Variants in CAPZA2 observed in about 807,000 individuals in gnomAD.
CAPZA2 encodes the protein capping actin protein of muscle Z-line subunit alpha 2, also known as F-actin-capping protein subunit alpha-2.
A neutral mutation model predicts 44.0 loss-of-function variants in CAPZA2; 13 were observed. That is an observed-to-expected ratio of 0.30 (90% CI 0.19 to 0.47). CAPZA2 has a LOEUF of 0.47. Among genes scored for constraint, CAPZA2 ranks in the 20% least tolerant of loss-of-function variants. CAPZA2 has a pLI of 1.00. For synonymous variants in CAPZA2, 94 were observed against 108.2 expected (o/e 0.87, Z 0.81); for missense variants, 244 against 338.6 (o/e 0.72, Z 2.19).
chr7:116,888,937 G>A (rs967468528), intron 2 of CAPZA2, among the ~76,000 whole-genome samples: 3 of 152,074 alleles, frequency 2.0e-5, no homozygotes, highest in African/African-American at 7.2e-5. Flanking sequence ...CTATGAGATC[G>A]GTATGAATAG....
intron 4 of CAPZA2, among the ~76,000 whole-genome samples, chr7:116,900,467 G>A (rs1284973351): frequency 1.3e-5 from 2 of 151,396 alleles, no homozygotes; most frequent in African/African-American, 4.8e-5. Flanking sequence ...TTTAAGGTAA[G>A]GATACAAAAC....
intron 3 of CAPZA2, among the ~76,000 whole-genome samples, chr7:116,895,703 A>G (rs1413012241): frequency 1.3e-5 from 2 of 151,992 alleles, no homozygotes; most frequent in African/African-American, 4.8e-5. Flanking sequence ...GATTGACTTC[A>G]GTAGTATGCA....
chr7:116,915,215 A>G (rs1015829883), intron 8 of CAPZA2, among the ~76,000 whole-genome samples: 2 of 151,948 alleles, frequency 1.3e-5, no homozygotes, highest in Non-Finnish European at 2.9e-5. Flanking sequence ...AGGCATGAAA[A>G]TTGCTTGAAC....
At chr7:116,880,237 GAGTTTCAAAAATC>G in intron 1 of CAPZA2, 1 of 356,346 alleles carries the variant, frequency 2.8e-6, no homozygotes, top group South Asian at 2.2e-5. Context: ...GTTTATTTTT[GAGTTTCAAAAATC>G]ATGAGTTGGT....
Position 116,921,944 on chromosome 7 carries a change from T to TA in CAPZA2, c.*4077_*4078insA, listed in dbSNP as rs1209932146. On this transcript the variant is annotated 3_prime_UTR_variant, in exon 10 of 10. Coordinates refer to ENST00000361183, the MANE Select transcript of CAPZA2 (RefSeq NM_006136.3). ...GAGTACACTTGGATATATGATTACA[T>TA]TTTAATAAGTTATATAAATATGCAG... is the stretch of plus-strand genomic sequence containing the variant. 1 of 152,156 alleles carries TA rather than the reference T, an allele frequency of 6.6e-6. No homozygotes were observed. The highest frequency in any genetic ancestry group is 1.5e-5 in the Non-Finnish European group (1 of 68,042). The allele number at this position is 152,156 out of a possible 1,614,324, so 9.4% of individuals were successfully genotyped here.
chr7:116,917,552 C>T (rs562589613), intron 9 of CAPZA2, among the ~76,000 whole-genome samples, 175 bp from the exon 10 acceptor site: 3 of 152,306 alleles, frequency 2.0e-5, no homozygotes, highest in East Asian at 1.9e-4. Context: ...CCACCGCGCC[C>T]GGCTCTTCTA....
intron 1 of CAPZA2, among the ~76,000 whole-genome samples, chr7:116,867,883 C>T (rs1796502061): frequency 6.6e-6 from 1 of 152,198 alleles, no homozygotes; most frequent in Non-Finnish European, 1.5e-5. Flanking sequence ...CACTCCCAGC[C>T]ACTGGTCCAT....
intron 3 of CAPZA2, among the ~76,000 whole-genome samples, chr7:116,898,243 T>C (rs963990236): frequency 3.9e-5 from 6 of 151,966 alleles, no homozygotes; most frequent in Non-Finnish European, 5.9e-5. Context: ...CTCTTCTCAC[T>C]GTTGCCTCAA....
intron 1 of CAPZA2, 144 bp from the exon 2 acceptor site, chr7:116,887,983 G>A (rs1462337566): frequency 5.0e-6 from 3 of 603,416 alleles, no homozygotes; most frequent in Admixed American, 2.9e-5. Context: ...TGATCTTAAG[G>A]TGATTGAGTG....
intron 1 of CAPZA2, among the ~76,000 whole-genome samples, chr7:116,887,397 AC>A (rs1703028255): frequency 6.6e-6 from 1 of 152,046 alleles, no homozygotes; most frequent in African/African-American, 2.4e-5. Context: ...GTGTGGTGGC[AC>A]GTGCCTGTAG....
chr7:116,880,361 G>C (rs1169522614), intron 1 of CAPZA2, among the ~76,000 whole-genome samples: 10 of 152,052 alleles, frequency 6.6e-5, no homozygotes, highest in Non-Finnish European at 2.9e-5. Context: ...GGGGATGATG[G>C]CTCATTGTGA....
chr7:116,920,753 A>T lies in CAPZA2; in HGVS notation c.*2886A>T, dbSNP rs922094474. ...AATGGGAAAGTGCATGAACCTGGAA[A>T]CAATTTTATAGGCAGACAGGATGAA... On this transcript the variant is annotated 3_prime_UTR_variant, in exon 10 of 10. Transcript: ENST00000361183. 6.6e-6 allele frequency: 1 copy of T among 152,372 alleles called. No homozygotes were observed. The highest frequency in any genetic ancestry group is 1.5e-5 in the Non-Finnish European group (1 of 68,162). The allele number at this position is 152,372 out of a possible 1,614,324, so 9.4% of individuals were successfully genotyped here.
At chr7:116,891,593 G>C (rs1412608888) in intron 2 of CAPZA2, among the ~76,000 whole-genome samples, 1 of 152,072 alleles carries the variant, frequency 6.6e-6, no homozygotes, top group African/African-American at 2.4e-5. Flanking sequence ...CTCACTGCAA[G>C]CTCCGCCTCC....
At chr7:116,868,983 G>A (rs1315733483) in intron 1 of CAPZA2, among the ~76,000 whole-genome samples, 1 of 152,152 alleles carries the variant, frequency 6.6e-6, no homozygotes, top group African/African-American at 2.4e-5. Flanking sequence ...TTTTGCATGA[G>A]TAGTTGAATA....
At chr7:116,905,086 C>T (rs1215167124) in intron 5 of CAPZA2, among the ~76,000 whole-genome samples, 2 of 149,680 alleles carry the variant, frequency 1.3e-5, no homozygotes, top group African/African-American at 2.5e-5. Flanking sequence ...TTGCAGTGAG[C>T]CGAGATTGCG....
intron 8 of CAPZA2, among the ~76,000 whole-genome samples, chr7:116,914,025 ATTTT>A (rs71148344): frequency 1.5e-5 from 2 of 131,944 alleles, no homozygotes; most frequent in Non-Finnish European, 1.6e-5. Context: ...ATTAAAGAAA[ATTTT>A]TTTTTTTTTT....
At chr7:116,917,142 T>G (rs1179545720) in intron 9 of CAPZA2, among the ~76,000 whole-genome samples, 1 of 152,214 alleles carries the variant, frequency 6.6e-6, no homozygotes, top group African/African-American at 2.4e-5. Context: ...TCTGACATAC[T>G]AAAATAAATT....
At chr7:116,884,694 A>G (rs1326158753) in intron 1 of CAPZA2, among the ~76,000 whole-genome samples, 1 of 152,166 alleles carries the variant, frequency 6.6e-6, no homozygotes, top group African/African-American at 2.4e-5. Context: ...GTGGTAGATT[A>G]TTTCCAGTTT....
intron 4 of CAPZA2, among the ~76,000 whole-genome samples, chr7:116,899,750 A>G (rs1166414805): frequency 2.6e-5 from 4 of 151,440 alleles, no homozygotes; most frequent in African/African-American, 7.3e-5. Context: ...TTTGGGATAA[A>G]TTGCTATAAG....
Sources: gnomAD v4.1 joint callset for allele counts (sites outside exome capture counted in the v4.1 genomes callset) on GRCh38, gnomAD v4.1.1 for gene constraint, MANE v1.5 for transcripts, NCBI Gene and HGNC (gene_info 2026-07-23, HGNC 2026-07-21) for gene names.